Variants in AGPAT4 observed in about 807,000 individuals in gnomAD.
AGPAT4 encodes the protein 1-acyl-sn-glycerol-3-phosphate acyltransferase delta.
A neutral mutation model predicts 48.0 loss-of-function variants in AGPAT4; 15 were observed. The observed-to-expected ratio is 0.31, with a 90% CI of 0.21 to 0.48. AGPAT4 has a LOEUF of 0.48. AGPAT4 is among the 20% of genes least tolerant of loss of function. AGPAT4 has a pLI of 0.99. For synonymous variants in AGPAT4, 178 were observed against 198.7 expected (o/e 0.90, Z 0.88); for missense variants, 314 against 482.5 (o/e 0.65, Z 3.27).
rs1438489554 is a variant in AGPAT4 at position 161,243,320 on chromosome 6, T to G, written c.-89-11018A>C. Among the ~76,000 whole-genome samples the G allele has an allele frequency of 2.6e-5, 4 of 151,946 alleles. No individual in the cohort carries two copies. Among genetic ancestry groups the G allele is most frequent in the African/African-American group, 9.7e-5 (4 of 41,370 alleles). On this transcript the variant is annotated intron_variant, in intron 1 of 8. Transcript: ENST00000320285. The surrounding 1 kb of genome is among the most constrained non-coding windows in gnomAD (Gnocchi z 4.8). Reference sequence around the variant, plus strand: ...TGGGCCGGCAGAAGCAGGCGTGAGGTGGCTGGCATCCCCAGCCGGCACTAA... The same window carrying G: ...TGGGCCGGCAGAAGCAGGCGTGAGGGGGCTGGCATCCCCAGCCGGCACTAA...
At chr6:161,151,883 G>T (rs969227974) in intron 5 of AGPAT4, among the ~76,000 whole-genome samples, 1 of 152,194 alleles carries the variant, frequency 6.6e-6, no homozygotes, top group Admixed American at 6.5e-5. Context: ...CCCAGGGTCG[G>T]TGTAGAGGCA....
At position 161,138,591 on chromosome 6, in the gene AGPAT4, T is replaced by C. The variant is rs1315181756; in HGVS notation, c.1042+831A>G. ...CTTTCCATTTTCTGCGCTTGTCTAT[T>C]GCTTGGGCCTTTTATAGTGAGCATA... On this transcript the variant is annotated intron_variant, in intron 8 of 8. Transcript: ENST00000320285. The surrounding 1 kb of genome is among the most constrained non-coding windows in gnomAD (Gnocchi z 4.8). Among the ~76,000 whole-genome samples, 1 of 152,198 alleles carries C rather than the reference T, an allele frequency of 6.6e-6. No individual in the cohort carries two copies. The highest frequency in any genetic ancestry group is 1.5e-5 in the Non-Finnish European group (1 of 68,030).
At chr6:161,136,899 C>T (rs189615239) in intron 8 of AGPAT4, among the ~76,000 whole-genome samples, 93 of 152,330 alleles carry the variant, frequency 6.1e-4, no homozygotes, top group Non-Finnish European at 1.2e-3. Context: ...AAGCCATGCA[C>T]AGCCGTTCGC....
chr6:161,186,415 C>A (rs975183237), intron 2 of AGPAT4, among the ~76,000 whole-genome samples: 1 of 152,120 alleles, frequency 6.6e-6, no homozygotes, highest in Non-Finnish European at 1.5e-5. Flanking sequence ...TAGAGCAACT[C>A]GTGTTCCTGT....
chr6:161,184,524 C>T lies in AGPAT4; in HGVS notation c.179-18107G>A, dbSNP rs536496107. On this transcript the variant is annotated intron_variant, in intron 2 of 8. Coordinates refer to ENST00000320285, the MANE Select transcript of AGPAT4 (RefSeq NM_020133.3). The surrounding 1 kb of genome is among the most constrained non-coding windows in gnomAD (Gnocchi z 4.8). ...CATCCTTGGCTTAGTGGTAGGTTCT[C>T]GTGATGTTCTGTGTAGCCCTGGCCT... is the stretch of plus-strand genomic sequence containing the variant. 7.2e-5 allele frequency among the ~76,000 whole-genome samples: 11 copies of T among 151,934 alleles called. No individual in the cohort carries two copies. The highest frequency in any genetic ancestry group is 2.1e-4 in the South Asian group (1 of 4,830).
Position 161,166,483 on chromosome 6 carries a change from G to C in AGPAT4, c.179-66C>G. ...CCTTGTCCTGGGAGCCCTGCTGAGA[G>C]CAGGGCTCTGCCCTCCCAGCTAGGG... On this transcript the variant is annotated intron_variant, in intron 2 of 8. Transcript: ENST00000320285. This position sits in a 1 kb window ranked among gnomAD's most constrained non-coding sequence, Gnocchi z 6.7. 1 of 1,510,030 alleles carries C rather than the reference G, an allele frequency of 6.6e-7. No homozygotes were observed. The highest frequency in any genetic ancestry group is 1.4e-5 in the African/African-American group (1 of 71,436). The allele number at this position is 1,510,030 out of a possible 1,614,324, so 93.5% of individuals were successfully genotyped here.
rs1417797387 is a variant in AGPAT4 at position 161,222,005 on chromosome 6, C to T, written c.178+10031G>A. Among the ~76,000 whole-genome samples the T allele has an allele frequency of 2.6e-5, 4 of 152,156 alleles. No homozygotes were observed. Among genetic ancestry groups the T allele is most frequent in the Non-Finnish European group, 4.4e-5 (3 of 68,032 alleles). ...GACATAATTCAGGTGTGACACCAAG[C>T]GTCCAGCTCTTTCCTCTCAGTTCCT... On this transcript the variant is annotated intron_variant, in intron 2 of 8. Coordinates refer to ENST00000320285, the MANE Select transcript of AGPAT4 (RefSeq NM_020133.3). The surrounding 1 kb of genome is among the most constrained non-coding windows in gnomAD (Gnocchi z 5.9).
At position 161,261,581 on chromosome 6, in the gene AGPAT4, G is replaced by A. The variant is rs75466360; in HGVS notation, c.-90+12357C>T. Among the ~76,000 whole-genome samples, 677 of 152,308 alleles carry A rather than the reference G, an allele frequency of 4.4e-3. 10 individuals carry two copies. Among genetic ancestry groups the A allele is most frequent in the East Asian group, 0.033 (171 of 5,182 alleles). On this transcript the variant is annotated intron_variant, in intron 1 of 8. Coordinates refer to ENST00000320285, the MANE Select transcript of AGPAT4 (RefSeq NM_020133.3). This position sits in a 1 kb window ranked among gnomAD's most constrained non-coding sequence, Gnocchi z 5.3. ...GACGTAGCTGCTACCCTGAGACCGG[G>A]TAAGGCATCATCATTAACAAAGCCA...
At chr6:161,193,808 T>C (rs1439276445) in intron 2 of AGPAT4, among the ~76,000 whole-genome samples, 1 of 152,236 alleles carries the variant, frequency 6.6e-6, no homozygotes, top group Non-Finnish European at 1.5e-5. Context: ...CCCTTAGATT[T>C]TGCCTGGTAT....
At position 161,155,868 on chromosome 6, in the gene AGPAT4, A is replaced by G. The variant is rs978814571; in HGVS notation, c.349-1558T>C. Among the ~76,000 whole-genome samples the G allele has an allele frequency of 3.3e-5, 5 of 152,214 alleles. No homozygotes were observed. The highest frequency in any genetic ancestry group is 4.1e-4 in the South Asian group (2 of 4,830). ...TCATTTGAAGGAGCTATAAATGATG[A>G]TTGGTTCTGCAGCCAGGAAGGGGCC... On this transcript the variant is annotated intron_variant, in intron 3 of 8. Transcript: ENST00000320285. The surrounding 1 kb of genome is among the most constrained non-coding windows in gnomAD (Gnocchi z 5.8).
Position 161,159,937 on chromosome 6 carries a change from C to CT in AGPAT4, c.349-5628dup, listed in dbSNP as rs60587380. On this transcript the variant is annotated intron_variant, in intron 3 of 8. Transcript: ENST00000320285. This position sits in a 1 kb window ranked among gnomAD's most constrained non-coding sequence, Gnocchi z 4.1. ...GTGTGAGCCACCAAACCTGGCTTTT[C>CT]TTTTTTTTTTCTTTTTTTGAGATGG... Among the ~76,000 whole-genome samples the CT allele has an allele frequency of 1.3e-4, 19 of 146,706 alleles. No homozygotes were observed. Among genetic ancestry groups the CT allele is most frequent in the East Asian group, 1.2e-3 (6 of 4,944 alleles).
In AGPAT4 at chr6:161,266,298, C is replaced by T. The variant is rs1038742069; in HGVS notation, c.-90+7640G>A. Among the ~76,000 whole-genome samples, 2 of 152,178 alleles carry T rather than the reference C, an allele frequency of 1.3e-5. No individual in the cohort carries two copies. The highest frequency in any genetic ancestry group is 2.4e-5 in the African/African-American group (1 of 41,440). On this transcript the variant is annotated intron_variant, in intron 1 of 8. Transcript: ENST00000320285. This position sits in a 1 kb window ranked among gnomAD's most constrained non-coding sequence, Gnocchi z 6.2. ...CTTGAGGCCCTGGCCAGGAGGCCAGCGATGAGGCAACCCTGATGACCTGAC... is the reference window on the plus strand; with the variant it reads ...CTTGAGGCCCTGGCCAGGAGGCCAGTGATGAGGCAACCCTGATGACCTGAC...
At chr6:161,213,360 G>A (rs1227753352) in intron 2 of AGPAT4, among the ~76,000 whole-genome samples, 1 of 152,220 alleles carries the variant, frequency 6.6e-6, no homozygotes, top group Non-Finnish European at 1.5e-5. Flanking sequence ...ATGGGAAACT[G>A]AAGAGAGAAT....
At chr6:161,247,250 T>C (rs555621804) in intron 1 of AGPAT4, among the ~76,000 whole-genome samples, 5 of 152,360 alleles carry the variant, frequency 3.3e-5, no homozygotes, top group African/African-American at 1.2e-4. Flanking sequence ...AAGGAAATTA[T>C]ACTAGCCGTG....
intron 2 of AGPAT4, among the ~76,000 whole-genome samples, chr6:161,172,238 T>G (rs1335188712): frequency 6.6e-6 from 1 of 152,120 alleles, no homozygotes; most frequent in Non-Finnish European, 1.5e-5. Flanking sequence ...GTGCGAGAAG[T>G]GCAAGGAGGA....
In AGPAT4 at chr6:161,222,500, T is replaced by C. The variant is rs1196572527; in HGVS notation, c.178+9536A>G. Among the ~76,000 whole-genome samples the C allele has an allele frequency of 6.6e-6, 1 of 152,130 alleles. No homozygotes were observed. The highest frequency in any genetic ancestry group is 1.9e-4 in the East Asian group (1 of 5,200). ...GTATTGTGCTATTTTTACTTAATAA[T>C]ATTTAGGGTATAACGTGGTTCAAGG... On this transcript the variant is annotated intron_variant, in intron 2 of 8. Transcript: ENST00000320285. This position sits in a 1 kb window ranked among gnomAD's most constrained non-coding sequence, Gnocchi z 5.9.
At chr6:161,145,181 C>T (rs1483704594) in intron 7 of AGPAT4, among the ~76,000 whole-genome samples, 1 of 151,556 alleles carries the variant, frequency 6.6e-6, no homozygotes, top group Admixed American at 6.6e-5. Flanking sequence ...AGCTTCAGGC[C>T]TCAGACCATC....
Position 161,146,245 on chromosome 6 carries a change from G to A in AGPAT4, c.843+279C>T, listed in dbSNP as rs1023731290. On this transcript the variant is annotated intron_variant, in intron 7 of 8. Coordinates refer to ENST00000320285, the MANE Select transcript of AGPAT4 (RefSeq NM_020133.3). This position sits in a 1 kb window ranked among gnomAD's most constrained non-coding sequence, Gnocchi z 7.1. ...CACCCCACAAGCACATCCTGCCTTAGGACCAGAGGCAGGAAAATACGAGCA... is the reference window on the plus strand; with the variant it reads ...CACCCCACAAGCACATCCTGCCTTAAGACCAGAGGCAGGAAAATACGAGCA... Among the ~76,000 whole-genome samples, 12 of 151,600 alleles carry A rather than the reference G, an allele frequency of 7.9e-5. No homozygotes were observed. The East Asian group carries it at 2.3e-3, about 29-fold the overall frequency.
chr6:161,269,969 C>A (rs1783376761), intron 1 of AGPAT4, among the ~76,000 whole-genome samples: 1 of 152,132 alleles, frequency 6.6e-6, no homozygotes, highest in African/African-American at 2.4e-5. Flanking sequence ...AATGGGAAAT[C>A]TTTGTGGAGC....
Sources: gnomAD v4.1 joint callset for allele counts (sites outside exome capture counted in the v4.1 genomes callset) on GRCh38, gnomAD v4.1.1 for gene constraint, Gnocchi (gnomAD v3.1) non-coding constraint, MANE v1.5 for transcripts, NCBI Gene and HGNC (gene_info 2026-07-23, HGNC 2026-07-21) for gene names.